SNF8: variants seen among roughly 807,000 people sequenced by gnomAD.
SNF8 encodes the protein vacuolar-sorting protein SNF8.
SNF8 carries 19 observed loss-of-function variants against 36.8 expected under a neutral mutation model. The ratio of observed to expected loss-of-function variants is 0.52; its 90% confidence interval spans 0.36 to 0.76. The LOEUF (loss-of-function observed/expected upper bound fraction) is 0.76. Among genes scored for constraint, SNF8 ranks in the 30% least tolerant of loss-of-function variants. SNF8 has a pLI of 0.00. For synonymous variants in SNF8, 127 were observed against 127.4 expected, an observed-to-expected ratio of 1.00 and a Z score of 0.02; for missense variants, 268 against 322.9, an observed-to-expected ratio of 0.83 and a Z score of 1.30.
chr17:48,936,743 GA>G, intron 4 of SNF8: 6 of 486,652 alleles, frequency 1.2e-5, no homozygotes, highest in Admixed American at 3.6e-5. Context: ...GACATCAGGG[GA>G]AAAGGCCTAC....
At chr17:48,930,729 T>A in intron 7 of SNF8, 117 bp from the exon 8 acceptor site, 1 of 1,087,560 alleles carries the variant, frequency 9.2e-7, no homozygotes, top group Non-Finnish European at 1.3e-6. Context: ...CTAAATCTAC[T>A]AAGTGCCTTC....
In SNF8 at chr17:48,930,423, T is replaced by C; in HGVS notation, c.*52A>G. 6.9e-7 allele frequency: 1 copy of C among 1,444,228 alleles called. No homozygotes were observed. Among genetic ancestry groups the C allele is most frequent in the Non-Finnish European group, 9.2e-7 (1 of 1,088,746 alleles). The allele number at this position is 1,444,228 out of a possible 1,614,324, so 89.5% of individuals were successfully genotyped here. ...TATAAACAAAATTGCCCAGGTTTATTTGCCACCTCCGCCTCCTCCCTGCCT... is the reference window on the plus strand; with the variant it reads ...TATAAACAAAATTGCCCAGGTTTATCTGCCACCTCCGCCTCCTCCCTGCCT... On this transcript the variant is annotated 3_prime_UTR_variant, in exon 8 of 8. Coordinates refer to ENST00000502492, the MANE Select transcript of SNF8 (RefSeq NM_007241.4).
Position 48,929,585 on chromosome 17 carries a change from A to G in SNF8, c.*890T>C, listed in dbSNP as rs1299505696. 6.6e-6 allele frequency: 1 copy of G among 152,122 alleles called. No individual in the cohort carries two copies. Among genetic ancestry groups the G allele is most frequent in the Admixed American group, 6.6e-5 (1 of 15,252 alleles). The allele number at this position is 152,122 out of a possible 1,614,324, so 9.4% of individuals were successfully genotyped here. A position where few individuals can be genotyped will look rare whatever the true frequency, so the allele number is the denominator to read the frequency against. ...CAGAGGCTTTTACTCTTGGCTGACCACGTGTGTAGAAAAATGTCTACACAC... is the reference window on the plus strand; with the variant it reads ...CAGAGGCTTTTACTCTTGGCTGACCGCGTGTGTAGAAAAATGTCTACACAC... On this transcript the variant is annotated 3_prime_UTR_variant, in exon 8 of 8. Transcript: ENST00000502492.
At chr17:48,940,249 C>T (rs1373953668) in intron 3 of SNF8, among the ~76,000 whole-genome samples, 1 of 151,552 alleles carries the variant, frequency 6.6e-6, no homozygotes, top group African/African-American at 2.4e-5. Flanking sequence ...CCATGTTGCC[C>T]AGGCTGATCT....
rs1326277343 is a variant in SNF8 at position 48,930,321 on chromosome 17, T to C, written c.*154A>G. ...GAGCGAGGTTTTCCTCCAATAAAAATGCAACGTGAAGGCACTTTTCAAAAA... is the reference window on the plus strand; with the variant it reads ...GAGCGAGGTTTTCCTCCAATAAAAACGCAACGTGAAGGCACTTTTCAAAAA... On this transcript the variant is annotated 3_prime_UTR_variant, in exon 8 of 8. Transcript: ENST00000502492. 1 of 781,886 alleles carries C rather than the reference T, an allele frequency of 1.3e-6. No homozygotes were observed. The highest frequency in any genetic ancestry group is 2.8e-5 in the East Asian group (1 of 35,508). 48.4% of individuals were successfully genotyped at this position (781,886 alleles called of 1,614,324 possible).
At position 48,933,192 on chromosome 17, in the gene SNF8, G is replaced by GGTGCACCATGT; in HGVS notation, c.564+12_564+13insACATGGTGCAC. ...TCCCTTGCACACACACACACTCGAA[G>GGTGCACCATGT]GTGCACCAGTACCTCTGCCAGCTGC... On this transcript the variant is annotated intron_variant, in intron 6 of 7. Transcript: ENST00000502492. 1 of 1,612,562 alleles carries GGTGCACCATGT rather than the reference G, an allele frequency of 6.2e-7. No individual in the cohort carries two copies. The highest frequency in any genetic ancestry group is 1.1e-5 in the South Asian group (1 of 91,008).
rs1210086856 is a variant in SNF8 at position 48,931,703 on chromosome 17, C to CA, written c.578dup (p.Thr194AspfsTer4). Reference sequence around the variant, plus strand: ...GACTGGCTTTGATCTCACTGACAGTCACGTAGCCATTCTTCTGAAGGAAGG... The same window carrying CA: ...GACTGGCTTTGATCTCACTGACAGTCAACGTAGCCATTCTTCTGAAGGAAGG... On this transcript the variant is annotated frameshift_variant, in exon 7 of 8. Coordinates refer to ENST00000502492, the MANE Select transcript of SNF8 (RefSeq NM_007241.4). LOFTEE classifies it high-confidence loss of function. 6.2e-7 allele frequency: 1 copy of CA among 1,612,792 alleles called. No homozygotes were observed. Among genetic ancestry groups the CA allele is most frequent in the Non-Finnish European group, 8.5e-7 (1 of 1,179,474 alleles).
intron 5 of SNF8, among the ~76,000 whole-genome samples, chr17:48,935,301 CAGG>C (rs1228894630): frequency 1.3e-5 from 2 of 152,202 alleles, no homozygotes; most frequent in Admixed American, 6.5e-5. Flanking sequence ...ATCACGAGGT[CAGG>C]AGATCGAGAC....
In SNF8 at chr17:48,930,447, C is replaced by T. The variant is rs746602967; in HGVS notation, c.*28G>A. 9.8e-6 allele frequency: 15 copies of T among 1,534,978 alleles called. No individual in the cohort carries two copies. Among genetic ancestry groups the T allele is most frequent in the African/African-American group, 1.4e-5 (1 of 73,176 alleles). On this transcript the variant is annotated 3_prime_UTR_variant, in exon 8 of 8. Coordinates refer to ENST00000502492, the MANE Select transcript of SNF8 (RefSeq NM_007241.4). ...TTTGCCACCTCCGCCTCCTCCCTGC[C>T]TGCTGCTGTGTGCCCTTCCACATGC...
chr17:48,944,816 C>G lies in SNF8; in HGVS notation c.-82G>C. Reference sequence around the variant, plus strand: ...GGACTCCGCCGCCGGCTCCCCAAGGCGGAAGCCCGAGCCGCGCGTCATCTG... The same window carrying G: ...GGACTCCGCCGCCGGCTCCCCAAGGGGGAAGCCCGAGCCGCGCGTCATCTG... On this transcript the variant is annotated 5_prime_UTR_variant, in exon 1 of 8. Coordinates refer to ENST00000502492, the MANE Select transcript of SNF8 (RefSeq NM_007241.4). 1.4e-6 allele frequency: 2 copies of G among 1,424,494 alleles called. No individual in the cohort carries two copies. Among genetic ancestry groups the G allele is most frequent in the Non-Finnish European group, 1.8e-6 (2 of 1,100,558 alleles). 88.2% of individuals were successfully genotyped at this position (1,424,494 alleles called of 1,614,324 possible).
At chr17:48,942,558 C>T (rs1478327517) in intron 2 of SNF8, among the ~76,000 whole-genome samples, 1 of 152,050 alleles carries the variant, frequency 6.6e-6, no homozygotes, top group Non-Finnish European at 1.5e-5. Context: ...AAGGGAAGGG[C>T]TGGAAAAGAA....
At chr17:48,940,790 A>G in intron 3 of SNF8, 134 bp downstream of exon 3, 1 of 1,084,402 alleles carries the variant, frequency 9.2e-7, no homozygotes, top group Non-Finnish European at 1.3e-6. Context: ...ACTCCGTCTC[A>G]AAAAGACAGC....
chr17:48,933,843 C>A (rs1019615555), intron 5 of SNF8, among the ~76,000 whole-genome samples: 1 of 152,234 alleles, frequency 6.6e-6, no homozygotes, highest in African/African-American at 2.4e-5. Flanking sequence ...GTCAGGCTGT[C>A]TGCTCAGCGA....
chr17:48,930,720 T>A, intron 7 of SNF8, 108 bp from the exon 8 acceptor site: 2 of 1,156,392 alleles, frequency 1.7e-6, no homozygotes, highest in Non-Finnish European at 2.4e-6. Context: ...GTTTTCAAAC[T>A]AAATCTACTA....
chr17:48,936,201 C>A lies in SNF8; in HGVS notation c.391G>T (p.Gly131Ter). The A allele has an allele frequency of 8.7e-6, 14 of 1,614,018 alleles. No individual in the cohort carries two copies. The highest frequency in any genetic ancestry group is 1.2e-5 in the Non-Finnish European group (14 of 1,179,914). Residue 131 changes from glycine to a stop codon, truncating the protein, a stop_gained, in exon 5 of 8, where the codon GGA becomes TGA. Coordinates refer to ENST00000502492, the MANE Select transcript of SNF8 (RefSeq NM_007241.4). LOFTEE classifies it high-confidence loss of function. ...LEELHQQVLK[G>*]RGKFAQDVSQ... ...ACATCCTGGGCGAACTTGCCCCTTC[C>A]CTTCAACACCTGTTGATGTAGTTCC...
chr17:48,937,160 T>G, intron 3 of SNF8, 36 bp from the exon 4 acceptor site: 1 of 1,427,422 alleles, frequency 7.0e-7, no homozygotes, highest in Non-Finnish European at 9.9e-7. Flanking sequence ...GGTTATTGAT[T>G]AATTTACATC....
Position 48,936,181 on chromosome 17 carries a change from C to T in SNF8, c.411G>A (p.Gln137=). 6.2e-7 allele frequency: 1 copy of T among 1,613,700 alleles called. No individual in the cohort carries two copies. Among genetic ancestry groups the T allele is most frequent in the Non-Finnish European group, 8.5e-7 (1 of 1,179,628 alleles). ...QVLKGRGKFA[Q]DVSQDDLIRA... Reference sequence around the variant, plus strand: ...AAGACAAGACCTACTGACTGACATCCTGGGCGAACTTGCCCCTTCCCTTCA... The same window carrying T: ...AAGACAAGACCTACTGACTGACATCTTGGGCGAACTTGCCCCTTCCCTTCA... Residue 137 remains glutamine, a synonymous_variant, in exon 5 of 8, where the codon CAG becomes CAA. Transcript: ENST00000502492.
intron 2 of SNF8, among the ~76,000 whole-genome samples, chr17:48,942,286 A>C (rs753896879): frequency 1.3e-4 from 19 of 151,610 alleles, no homozygotes; most frequent in Non-Finnish European, 2.5e-4. Flanking sequence ...GCAGTGAGCC[A>C]AGATCACGCC....
Position 48,930,209 on chromosome 17 carries a change from C to T in SNF8, c.*266G>A. On this transcript the variant is annotated 3_prime_UTR_variant, in exon 8 of 8. Coordinates refer to ENST00000502492, the MANE Select transcript of SNF8 (RefSeq NM_007241.4). Reference sequence around the variant, plus strand: ...GAAACAACCCACATTCTAGGCCCAGCTCTTCCATGAACTTGCAGATGACCT... The same window carrying T: ...GAAACAACCCACATTCTAGGCCCAGTTCTTCCATGAACTTGCAGATGACCT... The T allele has an allele frequency of 3.5e-6, 1 of 286,006 alleles. No homozygotes were observed. Among genetic ancestry groups the T allele is most frequent in the South Asian group, 8.5e-5 (1 of 11,780 alleles). The allele number at this position is 286,006 out of a possible 1,614,324, so 17.7% of individuals were successfully genotyped here.
Sources: gnomAD v4.1 joint callset for allele counts (sites outside exome capture counted in the v4.1 genomes callset) on GRCh38, gnomAD v4.1.1 for gene constraint, MANE v1.5 for transcripts, NCBI Gene and HGNC (gene_info 2026-07-23, HGNC 2026-07-21) for gene names.